The following MCF2L variants were observed in gnomAD, a reference collection of about 807,000 sequenced individuals.
MCF2L encodes MCF.2 cell line derived transforming sequence like, also known as guanine nucleotide exchange factor DBS.
MCF2L carries 97 observed loss-of-function variants against 153.4 expected under a neutral mutation model. That is an observed-to-expected ratio of 0.63 (90% CI 0.54 to 0.75). MCF2L has a LOEUF of 0.75. MCF2L is among the 30% of genes least tolerant of loss of function. The probability of loss-of-function intolerance (pLI) is 0.00; values close to 1 mark genes in which losing one functional copy is unlikely to be tolerated. For synonymous variants in MCF2L, 659 were observed against 632.2 expected, an observed-to-expected ratio of 1.04 and a Z score of -0.64; for missense variants, 1,347 against 1,495.2, an observed-to-expected ratio of 0.90 and a Z score of 1.64.
chr13:112,897,290 C>T (rs1207270177), intron 1 of MCF2L, among the ~76,000 whole-genome samples: 2 of 152,100 alleles, frequency 1.3e-5, no homozygotes, highest in East Asian at 3.9e-4. Flanking sequence ...TTTTGGACAT[C>T]TGTGAGGGCC....
intron 3 of MCF2L, among the ~76,000 whole-genome samples, chr13:113,030,734 A>T (rs765372858): frequency 6.6e-6 from 1 of 152,146 alleles, no homozygotes; most frequent in Non-Finnish European, 1.5e-5. Context: ...TTTAACCAAC[A>T]TCGGCCAGGC....
In MCF2L at chr13:112,993,341, C is replaced by T. The variant is rs2082969988; in HGVS notation, c.80-21422C>T. ...GGCAGTAGGGGCCGACCTGAGGGCT[C>T]TGGGGTCAACACCGGTCCAGGAATT... On this transcript the variant is annotated intron_variant, in intron 1 of 29. Transcript: ENST00000535094. The surrounding 1 kb of genome is among the most constrained non-coding windows in gnomAD (Gnocchi z 4.6). Among the ~76,000 whole-genome samples the T allele has an allele frequency of 6.6e-6, 1 of 152,172 alleles. No individual in the cohort carries two copies. The highest frequency in any genetic ancestry group is 2.4e-5 in the African/African-American group (1 of 41,452).
intron 3 of MCF2L, among the ~76,000 whole-genome samples, chr13:113,032,268 G>C (rs2085772984): frequency 6.6e-6 from 1 of 152,230 alleles, no homozygotes; most frequent in Non-Finnish European, 1.5e-5. Flanking sequence ...CTGTGGGTTT[G>C]ATTTCCTATT....
chr13:112,990,775 A>C (rs544599706), intron 1 of MCF2L, among the ~76,000 whole-genome samples: 9 of 152,340 alleles, frequency 5.9e-5, no homozygotes, highest in Admixed American at 2.6e-4. Context: ...GCTCTGTGCC[A>C]GGCCAGGCCA....
At chr13:112,975,641 C>G (rs536619004) in intron 1 of MCF2L, among the ~76,000 whole-genome samples, 19 of 152,186 alleles carry the variant, frequency 1.2e-4, no homozygotes, top group Non-Finnish European at 2.2e-4. Context: ...GAGCCGCTGC[C>G]GTGGTCATCC....
intron 2 of MCF2L, among the ~76,000 whole-genome samples, chr13:113,016,353 GC>G (rs1319011873): frequency 6.6e-6 from 1 of 152,130 alleles, no homozygotes; most frequent in East Asian, 1.9e-4. Context: ...GACAAGAGCC[GC>G]CCCACGGGCA....
At chr13:112,976,726 T>C (rs560491928) in intron 1 of MCF2L, among the ~76,000 whole-genome samples, 1 of 152,306 alleles carries the variant, frequency 6.6e-6, no homozygotes, top group East Asian at 1.9e-4. Context: ...GAGGAGGGGC[T>C]GCTCGGTGAG....
chr13:112,985,059 T>C, intron 1 of MCF2L: 1 of 204,996 alleles, frequency 4.9e-6, no homozygotes, highest in South Asian at 6.9e-5. Flanking sequence ...AGGGAGGCCA[T>C]GCCCCCAGCG....
intron 1 of MCF2L, among the ~76,000 whole-genome samples, chr13:112,999,535 C>T (rs1291403634): frequency 6.6e-6 from 1 of 152,224 alleles, no homozygotes; most frequent in Admixed American, 6.5e-5. Flanking sequence ...CTGCATCAGC[C>T]GCTGTACGGC....
At position 112,941,306 on chromosome 13, in the gene MCF2L, CATATATAT is replaced by C. The variant is rs970143351; in HGVS notation, c.169+38940_169+38947del. Among the ~76,000 whole-genome samples the C allele has an allele frequency of 3.9e-4, 58 of 148,576 alleles. No homozygotes were observed. Among genetic ancestry groups the C allele is most frequent in the African/African-American group, 1.4e-3 (57 of 40,648 alleles). On this transcript the variant is annotated intron_variant, in intron 2 of 29. Coordinates refer to the MCF2L transcript ENST00000375608. This position sits in a 1 kb window ranked among gnomAD's most constrained non-coding sequence, Gnocchi z 4.9. Reference sequence around the variant, plus strand: ...GGTGGCACTCTGGAAGCCCATAAGCCATATATATATATTTCATATTATATATTATATAT... The same window carrying C: ...GGTGGCACTCTGGAAGCCCATAAGCCATATTTCATATTATATATTATATAT...
intron 1 of MCF2L, among the ~76,000 whole-genome samples, chr13:112,988,622 C>T (rs1177602495): frequency 6.8e-6 from 1 of 146,200 alleles, no homozygotes; most frequent in Non-Finnish European, 1.5e-5. Flanking sequence ...GATGGAGCTA[C>T]CACACCGGAG....
chr13:112,952,972 T>C (rs532349669), intron 2 of MCF2L, among the ~76,000 whole-genome samples: 1 of 152,284 alleles, frequency 6.6e-6, no homozygotes, highest in South Asian at 2.1e-4. Flanking sequence ...TGGAATGGAC[T>C]GTTTACACGG....
At chr13:113,069,771 A>G (rs569568939) in intron 8 of MCF2L, among the ~76,000 whole-genome samples, 10 of 152,348 alleles carry the variant, frequency 6.6e-5, no homozygotes, top group African/African-American at 2.4e-4. Flanking sequence ...AAAAATAAAA[A>G]TGAACAAACT....
Position 113,070,495 on chromosome 13 carries a change from G to C in MCF2L, c.996+322G>C. The C allele has an allele frequency of 5.1e-6, 1 of 197,724 alleles. No individual in the cohort carries two copies. The highest frequency in any genetic ancestry group is 1.0e-5 in the Non-Finnish European group (1 of 98,176). 12.2% of individuals were successfully genotyped at this position (197,724 alleles called of 1,614,324 possible). ...ATTTGCATGCCCTTTTATTCAACAT[G>C]CATGTAGGATGTGCCTGCTGTGTGC... On this transcript the variant is annotated intron_variant, in intron 9 of 29. Transcript: ENST00000535094. This position sits in a 1 kb window ranked among gnomAD's most constrained non-coding sequence, Gnocchi z 5.6.
At chr13:113,088,767 G>C in intron 25 of MCF2L, 139 bp downstream of exon 25, 1 of 850,970 alleles carries the variant, frequency 1.2e-6, no homozygotes, top group Non-Finnish European at 1.9e-6. Flanking sequence ...GTGTTTATGT[G>C]CTGACGGGTC....
chr13:112,987,315 T>G (rs955108748), intron 1 of MCF2L, among the ~76,000 whole-genome samples: 13 of 7,200 alleles, frequency 1.8e-3, no homozygotes, highest in African/African-American at 3.0e-3. Context: ...GGAGCACACC[T>G]TGTGGACGCA....
rs768990447 is a variant in MCF2L, at chr13:112,902,345, C to T, written c.143C>T (p.Thr48Ile). ...GACGTCATCAGGCTTGTTCAAGACA[C>T]ACCGGAGGCGACGGCCATGGCCACA... Residue 48 changes from threonine to isoleucine, a missense_variant, in exon 2 of 30, where the codon ACA (threonine) becomes ATA (isoleucine). Physicochemically the swap from Thr to Ile is moderately conservative, Grantham distance 89. Coordinates refer to the MCF2L transcript ENST00000375608. 17 of 1,612,556 alleles carry T rather than the reference C, an allele frequency of 1.1e-5. No individual in the cohort carries two copies. In the African/African-American group the frequency reaches 2.0e-4, roughly 19 times the overall value.
intron 5 of MCF2L, among the ~76,000 whole-genome samples, chr13:113,063,184 C>T (rs149053752): frequency 2.0e-5 from 3 of 152,350 alleles, no homozygotes; most frequent in African/African-American, 4.8e-5. Flanking sequence ...TGCCCATTTA[C>T]GAAGGAGGCA....
At chr13:112,985,210 T>C (rs2082585999) in intron 1 of MCF2L, 1 of 347,244 alleles carries the variant, frequency 2.9e-6, no homozygotes, top group Non-Finnish European at 5.8e-6. Context: ...TCCAGGAGGG[T>C]AATTGCCTGG....
Sources: allele counts gnomAD v4.1 joint callset (sites outside exome capture counted in the v4.1 genomes callset), GRCh38; gene constraint gnomAD v4.1.1; non-coding constraint Gnocchi (gnomAD v3.1); transcripts MANE v1.5; gene names NCBI Gene and HGNC (gene_info 2026-07-23, HGNC 2026-07-21).